The following ZDHHC24 variants were observed in gnomAD, a reference collection of about 807,000 sequenced individuals.
The protein encoded by ZDHHC24 is probable palmitoyltransferase ZDHHC24.
In ZDHHC24, 17 loss-of-function variants were observed where a neutral mutation model predicts 23.2. The observed-to-expected ratio is 0.73, with a 90% CI of 0.50 to 1.10. The LOEUF (loss-of-function observed/expected upper bound fraction) is 1.10, where lower values mean the gene tolerates loss of function less well. Ranked by LOEUF, ZDHHC24 falls within the 50% of genes least tolerant of loss-of-function variation. ZDHHC24 has a pLI of 0.00. For synonymous variants in ZDHHC24, 186 were observed against 194.5 expected (o/e 0.96, Z 0.36); for missense variants, 366 against 393.0 (o/e 0.93, Z 0.58).
chr11:66,539,942 T>G, intron 2 of ZDHHC24, 118 bp from the exon 3 acceptor site: 1 of 1,070,042 alleles, frequency 9.3e-7, no homozygotes, highest in Non-Finnish European at 1.3e-6. Flanking sequence ...CCTGTGTCGA[T>G]ACTCGCTGGC....
intron 4 of ZDHHC24, chr11:66,526,932 T>TCA: frequency 6.3e-7 from 1 of 1,597,232 alleles, no homozygotes; most frequent in South Asian, 1.1e-5. Context: ...GGTAGGTCAC[T>TCA]CACCTCTGCA....
At chr11:66,526,731 G>A in intron 4 of ZDHHC24, 2 of 1,614,228 alleles carry the variant, frequency 1.2e-6, no homozygotes, top group East Asian at 2.2e-5. Context: ...CACCAGCCCA[G>A]GCCATGAAAC....
intron 1 of ZDHHC24, 57 bp from the exon 2 acceptor site, chr11:66,544,038 G>A (rs1857238214): frequency 1.5e-5 from 24 of 1,586,248 alleles, no homozygotes; most frequent in Non-Finnish European, 1.8e-5. Flanking sequence ...CCCATATTGT[G>A]CACAGGGCTG....
At position 66,537,790 on chromosome 11, in the gene ZDHHC24, T is replaced by A. The variant is rs1180135113; in HGVS notation, c.*1739A>T. 6.6e-6 allele frequency: 1 copy of A among 151,494 alleles called. No homozygotes were observed. The highest frequency in any genetic ancestry group is 1.5e-5 in the Non-Finnish European group (1 of 67,742). 9.4% of individuals were successfully genotyped at this position (151,494 alleles called of 1,614,324 possible). A position where few individuals can be genotyped will look rare whatever the true frequency, so the allele number is the denominator to read the frequency against. On this transcript the variant is annotated 3_prime_UTR_variant, in exon 3 of 3. Coordinates refer to ENST00000310442, the MANE Select transcript of ZDHHC24 (RefSeq NM_207340.3). ...AAAAATACAAAAAATTAGCTTGGCG[T>A]GGTGGCAGGCACCTGTAGTCCCAGC...
downstream of ZDHHC24, chr11:66,531,864 G>C: frequency 1.9e-6 from 3 of 1,593,720 alleles, no homozygotes; most frequent in East Asian, 2.3e-5. Context: ...GCACAGTGGA[G>C]CCCTGTGGCC....
chr11:66,528,650 G>A lies in ZDHHC24; in HGVS notation c.736+662C>T, dbSNP rs541890901. ...AGACTGTCCAAAAACACACAATCAG[G>A]ACAACTTGCTTCTAGAAAAGAAAAT... On this transcript the variant is annotated intron_variant, in intron 3 of 4. Transcript: ENST00000526986. 6.6e-5 allele frequency among the ~76,000 whole-genome samples: 10 copies of A among 152,190 alleles called. No homozygotes were observed. The East Asian group carries it at 1.9e-3, about 29-fold the overall frequency.
rs1165868929 is a variant in ZDHHC24 at position 66,539,333 on chromosome 11, C to T, written c.*196G>A. ...GCCTGAGCAGCCCCTGCCAGACCCT[C>T]CTCTGCACTCCTCTGCCTAAGTCAC... On this transcript the variant is annotated 3_prime_UTR_variant, in exon 3 of 3. Transcript: ENST00000310442. The T allele has an allele frequency of 8.5e-6, 11 of 1,299,650 alleles. No homozygotes were observed. Among genetic ancestry groups the T allele is most frequent in the Non-Finnish European group, 1.1e-5 (11 of 1,027,756 alleles). The allele number at this position is 1,299,650 out of a possible 1,614,324, so 80.5% of individuals were successfully genotyped here.
chr11:66,523,065 C>T, intron 4 of ZDHHC24: 1 of 442,998 alleles, frequency 2.3e-6, no homozygotes, highest in Non-Finnish European at 4.5e-6. Flanking sequence ...ACTGCATTGA[C>T]ACAGGGCAAA....
At chr11:66,529,494 G>A (rs1444935574) in intron 2 of ZDHHC24, 9 of 728,558 alleles carry the variant, frequency 1.2e-5, no homozygotes, top group Non-Finnish European at 2.0e-5. Flanking sequence ...ATTGTCTGGG[G>A]GAAGAAGATG....
chr11:66,526,609 C>A, intron 4 of ZDHHC24: 1 of 1,613,658 alleles, frequency 6.2e-7, no homozygotes, highest in Non-Finnish European at 8.5e-7. Flanking sequence ...GTGGGTAGAA[C>A]TGGGGAGGAC....
Position 66,545,651 on chromosome 11 carries a change from C to T in ZDHHC24, c.281+72G>A. The T allele has an allele frequency of 1.4e-6, 2 of 1,402,408 alleles. No individual in the cohort carries two copies. The highest frequency in any genetic ancestry group is 1.9e-6 in the Non-Finnish European group (2 of 1,078,826). 86.9% of individuals were successfully genotyped at this position (1,402,408 alleles called of 1,614,324 possible). ...TCCTAATGTAACCCGGTTCTAACAT[C>T]TCAGGTCTTGGGGCCCCTCCCCCCT... On this transcript the variant is annotated intron_variant, in intron 1 of 2. Transcript: ENST00000310442. This position sits in a 1 kb window ranked among gnomAD's most constrained non-coding sequence, Gnocchi z 4.5.
chr11:66,531,592 C>T, downstream of ZDHHC24: 1 of 1,606,642 alleles, frequency 6.2e-7, no homozygotes, highest in Non-Finnish European at 8.5e-7. Context: ...GGCCTGAATG[C>T]ACTGGAATAT....
intron 2 of ZDHHC24, among the ~76,000 whole-genome samples, chr11:66,541,750 G>T (rs936852080): frequency 6.6e-6 from 1 of 152,154 alleles, no homozygotes; most frequent in African/African-American, 2.4e-5. Context: ...GGGGCTGGGG[G>T]CCAGCAGTGT....
chr11:66,523,965 C>A, intron 4 of ZDHHC24: 1 of 1,571,968 alleles, frequency 6.4e-7, no homozygotes, highest in South Asian at 1.1e-5. Context: ...CTCTTCCGAC[C>A]ACACATTGAT....
chr11:66,523,719 G>T, intron 4 of ZDHHC24: 1 of 1,610,858 alleles, frequency 6.2e-7, no homozygotes, highest in Non-Finnish European at 8.5e-7. Context: ...GCTGTTCCCT[G>T]CCAGGGGAAG....
At chr11:66,540,477 C>A (rs1425801795) in intron 2 of ZDHHC24, among the ~76,000 whole-genome samples, 1 of 149,708 alleles carries the variant, frequency 6.7e-6, no homozygotes, top group South Asian at 2.1e-4. Context: ...TGCCTGTAAT[C>A]CCAGTATTTT....
intron 2 of ZDHHC24, among the ~76,000 whole-genome samples, chr11:66,540,031 G>A (rs1857104746): frequency 6.6e-6 from 1 of 152,142 alleles, no homozygotes; most frequent in Non-Finnish European, 1.5e-5. Flanking sequence ...CTTCATTCCT[G>A]CATCACAGAC....
At chr11:66,522,951 C>T in intron 4 of ZDHHC24, 2 of 358,540 alleles carry the variant, frequency 5.6e-6, no homozygotes, top group Non-Finnish European at 1.1e-5. Flanking sequence ...TGTTGTAGGC[C>T]AACTCAAAGT....
chr11:66,539,729 T>A lies in ZDHHC24; in HGVS notation c.655A>T (p.Met219Leu), dbSNP rs2134875889. 6.2e-7 allele frequency: 1 copy of A among 1,612,918 alleles called. No homozygotes were observed. The highest frequency in any genetic ancestry group is 8.5e-7 in the Non-Finnish European group (1 of 1,179,826). ...LCGAGLLFHG[M>L]LLLRGQTTWE... ...GTGGTCTGGCCCCGCAGCAGCAGCA[T>A]CCCATGGAAGAGCAGCCCAGCCCCG... is the stretch of plus-strand genomic sequence containing the variant. The change falls in exon 3 of 3, where the codon ATG (methionine) becomes TTG (leucine). Residue 219 changes from methionine to leucine, a missense_variant. Coordinates refer to ENST00000310442, the MANE Select transcript of ZDHHC24 (RefSeq NM_207340.3).
Sources: allele counts gnomAD v4.1 joint callset (sites outside exome capture counted in the v4.1 genomes callset), GRCh38; gene constraint gnomAD v4.1.1; non-coding constraint Gnocchi (gnomAD v3.1); transcripts MANE v1.5; gene names NCBI Gene and HGNC (gene_info 2026-07-23, HGNC 2026-07-21).